Variants in PRMT7 observed in about 807,000 individuals in gnomAD.
The protein encoded by PRMT7 is protein arginine N-methyltransferase 7.
Under a neutral mutation model 85.4 loss-of-function variants are expected in PRMT7, and 75 were observed. The ratio of observed to expected loss-of-function variants is 0.88; its 90% CI spans 0.73 to 1.06. PRMT7 has a LOEUF of 1.06. Among genes scored for constraint, PRMT7 ranks in the 50% least tolerant of loss-of-function variants. The probability of loss-of-function intolerance (pLI) is 0.00; values close to 1 mark genes in which losing one functional copy is unlikely to be tolerated. For missense variants in PRMT7, 868 were observed against 915.2 expected (o/e 0.95, Z 0.67); for synonymous variants, 397 against 359.5 (o/e 1.10, Z -1.18).
chr16:68,359,957 CCTGGG>C (rs2089147180), downstream of PRMT7: 1 of 152,516 alleles, frequency 6.6e-6, no homozygotes, highest in African/African-American at 2.4e-5. Context: ...CACACCCTGC[CCTGGG>C]CATGCAGCAA....
chr16:68,320,085 T>C (rs116552332), intron 3 of PRMT7, among the ~76,000 whole-genome samples: 1,637 of 152,314 alleles, frequency 0.011, 30 homozygotes, highest in African/African-American at 0.038. Flanking sequence ...CTGCTCTCCC[T>C]AATACCGCAT....
intron 6 of PRMT7, among the ~76,000 whole-genome samples, chr16:68,335,933 C>A (rs951937485): frequency 6.6e-6 from 1 of 152,084 alleles, no homozygotes; most frequent in Non-Finnish European, 1.5e-5. Flanking sequence ...CCCATCACCA[C>A]GCCTGGCTAA....
chr16:68,324,862 G>T (rs1377143511), intron 5 of PRMT7, 30 bp downstream of exon 5: 2 of 1,611,002 alleles, frequency 1.2e-6, no homozygotes, highest in South Asian at 2.2e-5. Flanking sequence ...TGTGTGTCCT[G>T]CATCTTGCAT....
chr16:68,353,710 C>A, intron 16 of PRMT7, 144 bp downstream of exon 16: 1 of 685,320 alleles, frequency 1.5e-6, no homozygotes, highest in Non-Finnish European at 2.3e-6. Flanking sequence ...TCAACATGAG[C>A]ATTGCTTGGT....
chr16:68,357,058 G>T lies in PRMT7; in HGVS notation c.1913G>T (p.Gly638Val). 6.2e-7 allele frequency: 1 copy of T among 1,605,844 alleles called. No individual in the cohort carries two copies. Among genetic ancestry groups the T allele is most frequent in the Non-Finnish European group, 8.5e-7 (1 of 1,175,776 alleles). The change falls in exon 19 of 19, where the codon GGC becomes GTC. Residue 638 changes from glycine to valine, a missense_variant. Physicochemically the swap from Gly to Val is moderately radical, Grantham distance 109. Coordinates refer to ENST00000441236, the MANE Select transcript of PRMT7 (RefSeq NM_019023.5). ...GLLEPADPEGGCCWNPHCKQA... is the reference protein window; with the variant it reads ...GLLEPADPEGVCCWNPHCKQA... ...TTCCTGCTCTTCTTCCTACAGGGGGGCTGCTGCTGGAACCCCCACTGCAAG... is the reference window on the plus strand; with the variant it reads ...TTCCTGCTCTTCTTCCTACAGGGGGTCTGCTGCTGGAACCCCCACTGCAAG...
At chr16:68,311,264 G>T (rs1477376897) in intron 1 of PRMT7, 165 bp downstream of exon 1, 1 of 427,468 alleles carries the variant, frequency 2.3e-6, no homozygotes, top group Non-Finnish European at 4.4e-6. Context: ...GGAGAGCGGG[G>T]TTCTAGGCTG....
At chr16:68,331,132 C>T (rs1332865296) in intron 6 of PRMT7, among the ~76,000 whole-genome samples, 3 of 152,276 alleles carry the variant, frequency 2.0e-5, no homozygotes, top group Middle Eastern at 3.4e-3. Flanking sequence ...GTCCTAGGCA[C>T]CCACTCATAG....
rs551092910 is a variant in PRMT7 at position 68,342,134 on chromosome 16, C to T, written c.927+2166C>T. Among the ~76,000 whole-genome samples, 8 of 152,118 alleles carry T rather than the reference C, an allele frequency of 5.3e-5. No homozygotes were observed. In the South Asian group the frequency reaches 8.3e-4, roughly 16 times the overall value. ...TTCTACTAAAAATACAAAAATTACC[C>T]GGATGTGGTGGTGCGTGCCTGTAAT... On this transcript the variant is annotated intron_variant, in intron 9 of 18. Transcript: ENST00000441236.
chr16:68,357,513 C>G lies in PRMT7; in HGVS notation c.*289C>G, dbSNP rs2088809837. The G allele has an allele frequency of 3.0e-6, 1 of 337,828 alleles. No homozygotes were observed. The allele number at this position is 337,828 out of a possible 1,614,324, so 20.9% of individuals were successfully genotyped here. On this transcript the variant is annotated 3_prime_UTR_variant, in exon 19 of 19. Coordinates refer to ENST00000441236, the MANE Select transcript of PRMT7 (RefSeq NM_019023.5). ...AGAATGCTCCAACACAGAGACATCT[C>G]TCCCCAGCTGGGAAGGGAGTGGAAG...
chr16:68,357,090 G>A lies in PRMT7; in HGVS notation c.1945G>A (p.Val649Ile), dbSNP rs143131470. 219 of 1,612,956 alleles carry A rather than the reference G, an allele frequency of 1.4e-4. 1 individual carries two copies. The East Asian group carries it at 2.4e-3, about 18-fold the overall frequency. ...CTGGAACCCCCACTGCAAGCAGGCC[G>A]TCTACTTCTTCAGCCCTGCCCCAGA... is the stretch of plus-strand genomic sequence containing the variant. ...CCWNPHCKQA[V>I]YFFSPAPDPR... is the part of the protein sequence containing the mutation. The change falls in exon 19 of 19, where the codon GTC (valine) becomes ATC (isoleucine). Residue 649 changes from valine to isoleucine, a missense_variant. Physicochemically the swap from Val to Ile is conservative, Grantham distance 29. Coordinates refer to ENST00000441236, the MANE Select transcript of PRMT7 (RefSeq NM_019023.5).
chr16:68,340,202 T>G (rs2085300738), intron 9 of PRMT7, among the ~76,000 whole-genome samples: 1 of 152,272 alleles, frequency 6.6e-6, no homozygotes. Context: ...GAAGTTGGCT[T>G]TCCTCTCCCG....
At chr16:68,332,523 CCA>C (rs1255629706) in intron 6 of PRMT7, among the ~76,000 whole-genome samples, 2 of 152,166 alleles carry the variant, frequency 1.3e-5, no homozygotes, top group Non-Finnish European at 2.9e-5. Context: ...TGAATGTTTC[CCA>C]GGCCTCTGAG....
chr16:68,349,258 G>T (rs1246715828), intron 14 of PRMT7, among the ~76,000 whole-genome samples: 1 of 152,036 alleles, frequency 6.6e-6, no homozygotes, highest in East Asian at 1.9e-4. Context: ...CTGCTCCGTG[G>T]CACTCTCCCC....
intron 9 of PRMT7, among the ~76,000 whole-genome samples, chr16:68,341,708 C>A (rs1342391247): frequency 6.6e-6 from 1 of 152,084 alleles, no homozygotes; most frequent in Non-Finnish European, 1.5e-5. Flanking sequence ...ATGCCCGGCT[C>A]AGGCTAGGGT....
chr16:68,353,580 C>G lies in PRMT7; in HGVS notation c.1650+14C>G. 6.4e-7 allele frequency: 1 copy of G among 1,566,418 alleles called. No homozygotes were observed. Among genetic ancestry groups the G allele is most frequent in the Non-Finnish European group, 8.7e-7 (1 of 1,155,142 alleles). ...GACATGATTAAGGTAGGCAGGGCCA[C>G]ACTCTGCATAGTACCCCCGACCTGC... On this transcript the variant is annotated intron_variant, in intron 16 of 18. Transcript: ENST00000441236.
intron 9 of PRMT7, among the ~76,000 whole-genome samples, chr16:68,341,885 T>C (rs949791405): frequency 6.6e-6 from 1 of 152,238 alleles, no homozygotes; most frequent in African/African-American, 2.4e-5. Context: ...GACCTAACAA[T>C]GGCTTCACCT....
intron 4 of PRMT7, chr16:68,323,612 G>A: frequency 6.6e-6 from 1 of 152,130 alleles, no homozygotes; most frequent in Non-Finnish European, 1.5e-5. Context: ...GTTTCTTAAT[G>A]TATGAAAAAT....
At chr16:68,312,220 TATA>T (rs2043879379) in intron 2 of PRMT7, 44 bp downstream of exon 2, 1 of 41,468 alleles carries the variant, frequency 2.4e-5, no homozygotes. Context: ...TATATATATA[TATA>T]TATATATTTT....
Position 68,348,407 on chromosome 16 carries a change from A to G in PRMT7, c.1389A>G (p.Thr463=), listed in dbSNP as rs754105379. The stretch of plus-strand genomic sequence containing the variant: ...TAGAGAAACGGCCGGAATTATTAAC[A>G]AATGAGGACCTACAGGGCAGAAAGG... ...NIIEKRPELL[T]NEDLQGRKVS... is the part of the protein sequence containing the mutation. Residue 463 remains threonine (T), a synonymous_variant, in exon 14 of 19, where the codon ACA becomes ACG. Coordinates refer to ENST00000441236, the MANE Select transcript of PRMT7 (RefSeq NM_019023.5). 6.2e-7 allele frequency: 1 copy of G among 1,612,530 alleles called. No homozygotes were observed. The highest frequency in any genetic ancestry group is 8.5e-7 in the Non-Finnish European group (1 of 1,178,558).
Sources: allele counts gnomAD v4.1 joint callset (sites outside exome capture counted in the v4.1 genomes callset), GRCh38; gene constraint gnomAD v4.1.1; transcripts MANE v1.5; gene names NCBI Gene and HGNC (gene_info 2026-07-23, HGNC 2026-07-21).